Variants in GAREM1 observed in about 807,000 individuals in gnomAD.
GAREM1 encodes the protein GRB2 associated regulator of MAPK1 subtype 1, also known as GRB2-associated and regulator of MAPK protein 1.
In GAREM1, 26 loss-of-function variants were observed where a neutral mutation model predicts 71.3. The ratio of observed to expected loss-of-function variants is 0.36; its 90% CI spans 0.27 to 0.51. The LOEUF (loss-of-function observed/expected upper bound fraction) is 0.51. Ranked by LOEUF, GAREM1 falls within the 20% of genes least tolerant of loss-of-function variation. The probability of loss-of-function intolerance (pLI) is 0.95; values close to 1 mark genes in which losing one functional copy is unlikely to be tolerated. For missense variants in GAREM1, 1,026 were observed against 1,103.1 expected (o/e 0.93, Z 0.99); for synonymous variants, 440 against 433.2 (o/e 1.02, Z -0.20).
intron 2 of GAREM1, among the ~76,000 whole-genome samples, chr18:32,334,278 C>T (rs952000267): frequency 6.6e-6 from 1 of 152,024 alleles, no homozygotes; most frequent in Non-Finnish European, 1.5e-5. Context: ...GACGAGAAAG[C>T]CCAGAGGTAT....
intron 3 of GAREM1, among the ~76,000 whole-genome samples, chr18:32,291,658 C>G (rs946846765): frequency 3.3e-5 from 5 of 151,958 alleles, no homozygotes; most frequent in Non-Finnish European, 5.9e-5. Flanking sequence ...CCCCCACCCC[C>G]CAACAGGCCC....
At chr18:32,462,364 G>C (rs2048960715) in intron 1 of GAREM1, among the ~76,000 whole-genome samples, 1 of 152,120 alleles carries the variant, frequency 6.6e-6, no homozygotes, top group Admixed American at 6.5e-5. Context: ...CCTGATTAAT[G>C]ACGGATGTTG....
chr18:32,298,338 T>C (rs927427345), intron 3 of GAREM1, among the ~76,000 whole-genome samples: 1 of 152,224 alleles, frequency 6.6e-6, no homozygotes, highest in African/African-American at 2.4e-5. Context: ...GCTCTTTCTT[T>C]AGCAGTAGAG....
intron 2 of GAREM1, among the ~76,000 whole-genome samples, chr18:32,324,239 GAAAGGAAAAAGAAAGCCA>G (rs2047454804): frequency 6.6e-6 from 1 of 152,164 alleles, no homozygotes; most frequent in Admixed American, 6.5e-5. Flanking sequence ...GAAGTATTTA[GAAAGGAAAAAGAAAGCCA>G]AACTGCGTAC....
rs1158466984 is a variant in GAREM1, at chr18:32,264,043, A to G, written c.*3828T>C. On this transcript the variant is annotated 3_prime_UTR_variant, in exon 6 of 6. Transcript: ENST00000269209. ...ATCACAATGAGACAAATTTTAAAAC[A>G]CCAAGTTTTAAAGACTGAACAGTGT... 6.6e-6 allele frequency: 1 copy of G among 152,190 alleles called. No homozygotes were observed. The highest frequency in any genetic ancestry group is 2.4e-5 in the African/African-American group (1 of 41,446). 9.4% of individuals were successfully genotyped at this position (152,190 alleles called of 1,614,324 possible). A position where few individuals can be genotyped will look rare whatever the true frequency, so the allele number is the denominator to read the frequency against.
chr18:32,416,338 A>G (rs2048465961), intron 1 of GAREM1, among the ~76,000 whole-genome samples: 1 of 152,158 alleles, frequency 6.6e-6, no homozygotes, highest in African/African-American at 2.4e-5. Context: ...CAAAATACCA[A>G]TGTCATTCTT....
At chr18:32,333,071 TTGGAA>T (rs1307444178) in intron 2 of GAREM1, among the ~76,000 whole-genome samples, 2 of 151,724 alleles carry the variant, frequency 1.3e-5, no homozygotes, top group Non-Finnish European at 2.9e-5. Context: ...CTGCTGAACT[TTGGAA>T]TGGGAGTTGA....
intron 2 of GAREM1, among the ~76,000 whole-genome samples, chr18:32,366,601 A>T (rs2047930565): frequency 6.6e-6 from 1 of 152,256 alleles, no homozygotes; most frequent in Admixed American, 6.5e-5. Flanking sequence ...AGAAAACTGC[A>T]ACAATGCACT....
At chr18:32,283,831 A>C (rs2046980221) in intron 4 of GAREM1, among the ~76,000 whole-genome samples, 1 of 152,188 alleles carries the variant, frequency 6.6e-6, no homozygotes, top group Non-Finnish European at 1.5e-5. Flanking sequence ...CCAGAGCTGC[A>C]GCACAACTTG....
chr18:32,390,817 G>A (rs929956850), intron 2 of GAREM1, among the ~76,000 whole-genome samples: 2 of 152,092 alleles, frequency 1.3e-5, no homozygotes, highest in African/African-American at 4.8e-5. Flanking sequence ...TTAACCATGG[G>A]GGAGCTTTTA....
At chr18:32,279,773 T>G (rs185697588) in intron 4 of GAREM1, among the ~76,000 whole-genome samples, 1 of 152,040 alleles carries the variant, frequency 6.6e-6, no homozygotes, top group Non-Finnish European at 1.5e-5. Flanking sequence ...GCCAAAAAGG[T>G]TGGGGACTGT....
chr18:32,355,054 A>C lies in GAREM1; in HGVS notation c.262+37841T>G, dbSNP rs2047790761. 1.3e-5 allele frequency among the ~76,000 whole-genome samples: 2 copies of C among 152,228 alleles called. 1 individual carries two copies. Among genetic ancestry groups the C allele is most frequent in the South Asian group, 4.1e-4 (2 of 4,826 alleles). On this transcript the variant is annotated intron_variant, in intron 2 of 5. Transcript: ENST00000269209. Reference sequence around the variant, plus strand: ...CACAGGCATTTCTCTATAGCATGGAAACTAATATTTTAATCCATCTTTTCA... The same window carrying C: ...CACAGGCATTTCTCTATAGCATGGACACTAATATTTTAATCCATCTTTTCA...
chr18:32,344,931 G>A (rs1020534745), intron 2 of GAREM1, among the ~76,000 whole-genome samples: 2 of 152,178 alleles, frequency 1.3e-5, no homozygotes, highest in East Asian at 3.9e-4. Flanking sequence ...GCATGGTGGC[G>A]CATGCCTGTA....
intron 2 of GAREM1, among the ~76,000 whole-genome samples, chr18:32,357,156 G>C (rs2047814732): frequency 6.6e-6 from 1 of 151,988 alleles, no homozygotes; most frequent in Admixed American, 6.6e-5. Context: ...TGTTACTCAG[G>C]TTTCGGCTTA....
chr18:32,305,826 G>A (rs1024797719), intron 3 of GAREM1, among the ~76,000 whole-genome samples: 11 of 152,072 alleles, frequency 7.2e-5, no homozygotes, highest in Admixed American at 2.6e-4. Flanking sequence ...AGCCCCCAGT[G>A]AGGATTCCAT....
chr18:32,364,417 G>GCA (rs926654745), intron 2 of GAREM1, among the ~76,000 whole-genome samples: 74 of 151,540 alleles, frequency 4.9e-4, no homozygotes, highest in African/African-American at 1.7e-3. Flanking sequence ...GTACACACAT[G>GCA]CACACACACA....
chr18:32,309,615 CAAAAAAAA>C (rs11370938), intron 3 of GAREM1, among the ~76,000 whole-genome samples: 2 of 13,864 alleles, frequency 1.4e-4, no homozygotes, highest in East Asian at 1.7e-3. Flanking sequence ...GACTCAGTCT[CAAAAAAAA>C]AAAAAAAAAA....
chr18:32,338,426 C>T (rs919552918), intron 2 of GAREM1, among the ~76,000 whole-genome samples: 1 of 152,132 alleles, frequency 6.6e-6, no homozygotes, highest in Non-Finnish European at 1.5e-5. Context: ...TGGCATGGAA[C>T]CTAACACTGG....
chr18:32,276,922 T>G (rs1372087251), intron 4 of GAREM1, among the ~76,000 whole-genome samples: 1 of 152,142 alleles, frequency 6.6e-6, no homozygotes, highest in Non-Finnish European at 1.5e-5. Flanking sequence ...AACTACACTT[T>G]AGTGCTCACA....
Sources: gnomAD v4.1 joint callset for allele counts (sites outside exome capture counted in the v4.1 genomes callset) on GRCh38, gnomAD v4.1.1 for gene constraint, MANE v1.5 for transcripts, NCBI Gene and HGNC (gene_info 2026-07-23, HGNC 2026-07-21) for gene names.